Variants in LARP4B observed in about 807,000 individuals in gnomAD.
LARP4B encodes La ribonucleoprotein 4B.
In LARP4B, 12 loss-of-function variants were observed where a neutral mutation model predicts 89.8. That is an observed-to-expected ratio of 0.13 (90% CI 0.09 to 0.22). LARP4B has a LOEUF of 0.22. LARP4B is among the 10% of genes least tolerant of loss of function. The pLI, the probability that LARP4B is intolerant of heterozygous loss-of-function variation, is 1.00. For missense variants in LARP4B, 757 were observed against 947.7 expected, an observed-to-expected ratio of 0.80 and a Z score of 2.64; for synonymous variants, 367 against 363.3, an observed-to-expected ratio of 1.01 and a Z score of -0.12.
At chr10:821,766 C>T (rs1832362490) in intron 13 of LARP4B, among the ~76,000 whole-genome samples, 1 of 152,198 alleles carries the variant, frequency 6.6e-6, no homozygotes, top group African/African-American at 2.4e-5. Flanking sequence ...TGGGCCAAAC[C>T]CTCTAGGGCA....
In LARP4B at chr10:842,987, G is replaced by A. The variant is rs141341678; in HGVS notation, c.591C>T (p.Leu197=). ...CAGTGCTGAGCTTCTTGATGTGGTCGAGGTTAGCCACCGTTGTGATTGGCA... is the reference window on the plus strand; with the variant it reads ...CAGTGCTGAGCTTCTTGATGTGGTCAAGGTTAGCCACCGTTGTGATTGGCA... ...QYVPITTVAN[L]DHIKKLSTDV... is the part of the protein sequence containing the mutation. The change falls in exon 7 of 18, where the codon CTC becomes CTT. Residue 197 remains leucine (L), a synonymous_variant. Coordinates refer to ENST00000316157, the MANE Select transcript of LARP4B (RefSeq NM_015155.3). 74 of 1,614,068 alleles carry A rather than the reference G, an allele frequency of 4.6e-5. No individual in the cohort carries two copies. In the African/African-American group the frequency reaches 8.3e-4, roughly 18 times the overall value.
At chr10:976,980 A>G in the LARP4B span, among the ~76,000 whole-genome samples, 1 of 152,168 alleles carries the variant, frequency 6.6e-6, no homozygotes, top group East Asian at 1.9e-4. Flanking sequence ...GACCCGGCCT[A>G]GTAGAACATA....
rs944661554 is a variant in LARP4B, at chr10:877,988, G to A, written c.141+6459C>T. Among the ~76,000 whole-genome samples, 6 of 152,340 alleles carry A rather than the reference G, an allele frequency of 3.9e-5. No individual in the cohort carries two copies. The East Asian group carries it at 1.2e-3, about 29-fold the overall frequency. On this transcript the variant is annotated intron_variant, in intron 3 of 17. Coordinates refer to ENST00000316157, the MANE Select transcript of LARP4B (RefSeq NM_015155.3). ...GATGCGGATAGATGGGGCTCGCTGA[G>A]AAGGTGAGGCCGAGACTGAGAAAGG...
intron 1 of LARP4B, among the ~76,000 whole-genome samples, chr10:893,354 G>A (rs145123927): frequency 1.0e-3 from 152 of 152,252 alleles, no homozygotes; most frequent in African/African-American, 3.6e-3. Flanking sequence ...GGATAAAGTT[G>A]ATAAGAATTT....
At chr10:946,058 C>T in the LARP4B span, among the ~76,000 whole-genome samples, 18 of 152,258 alleles carry the variant, frequency 1.2e-4, no homozygotes, top group East Asian at 1.2e-3. Context: ...CCCCATGCAG[C>T]GGTGTGTCTA....
At chr10:936,805 C>T (rs1330900134), upstream of LARP4B, among the ~76,000 whole-genome samples, 2 of 151,926 alleles carry the variant, frequency 1.3e-5, no homozygotes, top group African/African-American at 4.8e-5. Context: ...TCTCCAGCCA[C>T]AAAAGCCACT....
At chr10:834,387 T>G (rs1183966244) in intron 8 of LARP4B, among the ~76,000 whole-genome samples, 2 of 152,224 alleles carry the variant, frequency 1.3e-5, no homozygotes, top group South Asian at 2.1e-4. Context: ...CTCCTCTGCC[T>G]CTGGGAAAAT....
chr10:982,050 A>C, the LARP4B span, among the ~76,000 whole-genome samples: 1 of 151,050 alleles, frequency 6.6e-6, no homozygotes, highest in Non-Finnish European at 1.5e-5. Flanking sequence ...TTCTTTGATT[A>C]GCTACTTTTT....
intron 11 of LARP4B, among the ~76,000 whole-genome samples, chr10:827,876 A>G (rs1832712916): frequency 6.6e-6 from 1 of 152,200 alleles, no homozygotes; most frequent in African/African-American, 2.4e-5. Context: ...ACTTTTATAG[A>G]ATGTGCTACT....
At chr10:981,430 G>A in the LARP4B span, among the ~76,000 whole-genome samples, 14 of 152,282 alleles carry the variant, frequency 9.2e-5, no homozygotes, top group African/African-American at 2.2e-4. Context: ...CACCTTGCAC[G>A]AGGCCCCACC....
At chr10:851,180 C>CTTT (rs144483000) in intron 5 of LARP4B, among the ~76,000 whole-genome samples, 7 of 131,570 alleles carry the variant, frequency 5.3e-5, no homozygotes, top group East Asian at 2.1e-4. Context: ...AAAACACTAA[C>CTTT]TTTTTTTTTT....
chr10:952,467 A>T, the LARP4B span, among the ~76,000 whole-genome samples: 2 of 144,544 alleles, frequency 1.4e-5, no homozygotes, highest in Non-Finnish European at 3.1e-5. Context: ...AACCTTTAAA[A>T]GGAAGAAATC....
chr10:907,429 T>C (rs1200489646), intron 1 of LARP4B, among the ~76,000 whole-genome samples: 1 of 152,232 alleles, frequency 6.6e-6, no homozygotes. Flanking sequence ...TTCATTTTCA[T>C]TTTATTTTAT....
intron 13 of LARP4B, 151 bp from the exon 14 acceptor site, chr10:820,996 C>G (rs1457780195): frequency 5.9e-6 from 4 of 674,068 alleles, no homozygotes; most frequent in Non-Finnish European, 1.0e-5. Context: ...TCTAAAATCC[C>G]AACTTCAGGA....
intron 5 of LARP4B, among the ~76,000 whole-genome samples, chr10:859,961 T>C (rs1411191662): frequency 6.6e-6 from 1 of 151,652 alleles, no homozygotes; most frequent in Admixed American, 6.6e-5. Flanking sequence ...TACATGTCAT[T>C]ATACATTTCT....
the LARP4B span, among the ~76,000 whole-genome samples, chr10:944,697 G>A: frequency 1.2e-4 from 19 of 152,372 alleles, no homozygotes; most frequent in Middle Eastern, 3.4e-3. Context: ...GTGTCTGCCC[G>A]TGACTCACTT....
chr10:924,174 G>T (rs559508724), intron 1 of LARP4B, among the ~76,000 whole-genome samples: 1 of 152,138 alleles, frequency 6.6e-6, no homozygotes, highest in African/African-American at 2.4e-5. Context: ...AGCCCAGGTC[G>T]AGGCTGCAGA....
the LARP4B span, among the ~76,000 whole-genome samples, chr10:970,636 A>G: frequency 1.3e-5 from 2 of 152,142 alleles, no homozygotes; most frequent in African/African-American, 4.8e-5. Flanking sequence ...GACTGAATTC[A>G]TTTGCAAACA....
chr10:982,540 T>G, the LARP4B span, among the ~76,000 whole-genome samples: 1 of 152,230 alleles, frequency 6.6e-6, no homozygotes, highest in Non-Finnish European at 1.5e-5. Context: ...AAGCCACATA[T>G]AGCAGGCAAT....
Sources: gnomAD v4.1 joint callset for allele counts (sites outside exome capture counted in the v4.1 genomes callset) on GRCh38, gnomAD v4.1.1 for gene constraint, MANE v1.5 for transcripts, NCBI Gene and HGNC (gene_info 2026-07-23, HGNC 2026-07-21) for gene names.